Variants in GABRB1 observed in about 807,000 individuals in gnomAD.
GABRB1 encodes gamma-aminobutyric acid type A receptor subunit beta1, also known as gamma-aminobutyric acid receptor subunit beta-1.
Under a neutral mutation model 51.6 loss-of-function variants are expected in GABRB1, and 17 were observed. That is an observed-to-expected ratio of 0.33 (90% CI 0.23 to 0.49). The LOEUF (loss-of-function observed/expected upper bound fraction) is 0.49. GABRB1 is among the 20% of genes least tolerant of loss of function. The pLI, the probability that GABRB1 is intolerant of heterozygous loss-of-function variation, is 0.99. For missense variants in GABRB1, 410 were observed against 600.6 expected (o/e 0.68, Z 3.32); for synonymous variants, 247 against 218.9 (o/e 1.13, Z -1.14).
At chr4:47,350,216 T>TAGAGAGAG (rs1215848383) in intron 5 of GABRB1, among the ~76,000 whole-genome samples, 267 of 73,776 alleles carry the variant, frequency 3.6e-3, no homozygotes, top group East Asian at 0.012. Context: ...TATATATATA[T>TAGAGAGAG]ATAGAGAGAG....
At chr4:47,396,581 T>A (rs1386787603) in intron 5 of GABRB1, among the ~76,000 whole-genome samples, 1 of 152,170 alleles carries the variant, frequency 6.6e-6, no homozygotes, top group Non-Finnish European at 1.5e-5. Context: ...ATTTTTATAG[T>A]TATATTCTCT....
intron 4 of GABRB1, among the ~76,000 whole-genome samples, chr4:47,313,701 C>T (rs1173583109): frequency 6.6e-6 from 1 of 152,082 alleles, no homozygotes; most frequent in Non-Finnish European, 1.5e-5. Context: ...AAATGCCAAA[C>T]TCCTAAATCA....
intron 5 of GABRB1, among the ~76,000 whole-genome samples, chr4:47,379,838 A>C (rs1276114195): frequency 6.6e-6 from 1 of 152,224 alleles, no homozygotes; most frequent in African/African-American, 2.4e-5. Context: ...TTTTGGAAAC[A>C]GACTAATACT....
chr4:47,211,906 G>A (rs73144184), intron 4 of GABRB1, among the ~76,000 whole-genome samples: 2,025 of 152,180 alleles, frequency 0.013, 40 homozygotes, highest in African/African-American at 0.046. Flanking sequence ...AGACTCTTGT[G>A]ATTATATTTA....
At chr4:47,370,728 G>GTGCT (rs2110018409) in intron 5 of GABRB1, among the ~76,000 whole-genome samples, 1 of 152,226 alleles carries the variant, frequency 6.6e-6, no homozygotes, top group South Asian at 2.1e-4. Flanking sequence ...GACCAACCAG[G>GTGCT]TGCTTGTCTT....
At chr4:47,365,657 A>G (rs911480868) in intron 5 of GABRB1, among the ~76,000 whole-genome samples, 2 of 152,102 alleles carry the variant, frequency 1.3e-5, no homozygotes, top group African/African-American at 4.8e-5. Flanking sequence ...GATTTTACCA[A>G]TGAAAGGCAT....
intron 4 of GABRB1, among the ~76,000 whole-genome samples, chr4:47,250,520 T>A (rs1721946283): frequency 6.6e-6 from 1 of 152,204 alleles, no homozygotes; most frequent in South Asian, 2.1e-4. Context: ...CAGGGAAGTT[T>A]TCCTCAATTA....
At chr4:47,117,706 A>G (rs1397507703) in intron 3 of GABRB1, among the ~76,000 whole-genome samples, 1 of 152,234 alleles carries the variant, frequency 6.6e-6, no homozygotes. Flanking sequence ...AGGTTTGGTT[A>G]TAAAATACTG....
chr4:47,075,941 G>T (rs989875793), intron 3 of GABRB1, among the ~76,000 whole-genome samples: 6 of 152,138 alleles, frequency 3.9e-5, no homozygotes, highest in African/African-American at 1.4e-4. Context: ...ATCAAGTATA[G>T]CTGTAGATGA....
At chr4:47,062,160 C>T (rs998721973) in intron 3 of GABRB1, among the ~76,000 whole-genome samples, 2 of 152,128 alleles carry the variant, frequency 1.3e-5, no homozygotes, top group African/African-American at 4.8e-5. Context: ...TTAAGAGGCA[C>T]TTGTAAGCCA....
chr4:47,151,098 A>C (rs915447311), intron 3 of GABRB1, among the ~76,000 whole-genome samples: 1 of 152,022 alleles, frequency 6.6e-6, no homozygotes, highest in Admixed American at 6.6e-5. Context: ...TTGATGGATA[A>C]TTTGATAAAA....
chr4:47,014,254 A>T (rs2109443337), intron 1 of GABRB1, among the ~76,000 whole-genome samples: 1 of 152,270 alleles, frequency 6.6e-6, no homozygotes, highest in South Asian at 2.1e-4. Flanking sequence ...TTCATGATAG[A>T]TTTTGAGAGC....
At chr4:47,097,391 T>C (rs1046164119) in intron 3 of GABRB1, among the ~76,000 whole-genome samples, 2 of 152,160 alleles carry the variant, frequency 1.3e-5, no homozygotes, top group South Asian at 4.1e-4. Flanking sequence ...CTGTGCCTTT[T>C]AGGTCCTTGC....
At chr4:47,060,509 G>T (rs1376952803) in intron 3 of GABRB1, among the ~76,000 whole-genome samples, 2 of 152,024 alleles carry the variant, frequency 1.3e-5, no homozygotes, top group African/African-American at 2.4e-5. Context: ...TCCACATGTT[G>T]TTTTCAGTCA....
At chr4:47,096,802 C>A (rs1460095219) in intron 3 of GABRB1, among the ~76,000 whole-genome samples, 1 of 152,062 alleles carries the variant, frequency 6.6e-6, no homozygotes, top group Non-Finnish European at 1.5e-5. Context: ...GGTCTATGAG[C>A]AGAGGAATGT....
intron 4 of GABRB1, among the ~76,000 whole-genome samples, chr4:47,242,789 C>T (rs960022545): frequency 6.6e-6 from 1 of 152,120 alleles, no homozygotes; most frequent in African/African-American, 2.4e-5. Context: ...GATATTAGCC[C>T]ATTGTCAGAT....
chr4:47,296,215 A>C (rs1166962629), intron 4 of GABRB1, among the ~76,000 whole-genome samples: 1 of 152,170 alleles, frequency 6.6e-6, no homozygotes, highest in Non-Finnish European at 1.5e-5. Flanking sequence ...GAGCAAAATA[A>C]CCAGCTAACA....
At chr4:47,090,083 C>T (rs904090258) in intron 3 of GABRB1, among the ~76,000 whole-genome samples, 4 of 152,144 alleles carry the variant, frequency 2.6e-5, no homozygotes, top group Admixed American at 2.6e-4. Flanking sequence ...CTAATCTTAT[C>T]AGACGTTTTT....
In GABRB1 at chr4:47,403,335, G is replaced by T. The variant is rs1416395336; in HGVS notation, c.562G>T (p.Asp188Tyr). The T allele has an allele frequency of 6.2e-7, 1 of 1,613,848 alleles. No homozygotes were observed. The highest frequency in any genetic ancestry group is 8.5e-7 in the Non-Finnish European group (1 of 1,179,892). ...GGTTTCAGATGGCTATACCACTGAT[G>T]ACATTGAATTTTACTGGAATGGAGG... Reference protein sequence around the residue: ...EIESYGYTTDDIEFYWNGGEG... With the variant: ...EIESYGYTTDYIEFYWNGGEG... Residue 188 changes from aspartate (D) to tyrosine (Y), a missense_variant, in exon 6 of 9, where the codon GAC becomes TAC. Asp to Tyr is a radical substitution (Grantham distance 160, BLOSUM62 -3). This residue lies in a region of GABRB1 where 100 missense variants were observed against 184.3 expected (regional missense o/e 0.54). Transcript: ENST00000295454.
Sources: gnomAD v4.1 joint callset for allele counts (sites outside exome capture counted in the v4.1 genomes callset) on GRCh38, gnomAD v4.1.1 for gene constraint, gnomAD v4.1.1 regional missense constraint, MANE v1.5 for transcripts, NCBI Gene and HGNC (gene_info 2026-07-23, HGNC 2026-07-21) for gene names.